Variants in MTCL3 observed in about 807,000 individuals in gnomAD.
The protein encoded by MTCL3 is MTCL family member 3, also known as microtubule cross-linking factor 3.
chr6:127,515,638 G>C, the MTCL3 span: 52 of 1,436,672 alleles, frequency 3.6e-5, no homozygotes, highest in African/African-American at 1.8e-4. This position sits in a 1 kb window ranked among gnomAD's most constrained non-coding sequence, Gnocchi z 4.3. Context: ...CCCGCCGCTC[G>C]CGCTGCCCTC....
At chr6:127,515,792 C>T in the MTCL3 span, 1 of 1,608,138 alleles carries the variant, frequency 6.2e-7, no homozygotes. The surrounding 1 kb of genome is among the most constrained non-coding windows in gnomAD (Gnocchi z 4.3). Flanking sequence ...ATCTGAGCCG[C>T]GGCCGCCGCC....
At chr6:127,515,140 A>C in the MTCL3 span, 2 of 1,130,666 alleles carry the variant, frequency 1.8e-6, no homozygotes, top group South Asian at 2.6e-5. This position sits in a 1 kb window ranked among gnomAD's most constrained non-coding sequence, Gnocchi z 4.3. Flanking sequence ...CCAAATTCTC[A>C]GCTTTAATTG....
chr6:127,517,157 T>C, the MTCL3 span, among the ~76,000 whole-genome samples: 1 of 152,236 alleles, frequency 6.6e-6, no homozygotes, highest in Non-Finnish European at 1.5e-5. Context: ...AGTTTTCATT[T>C]AATTAGTATT....
At chr6:127,477,844 A>G in the MTCL3 span, among the ~76,000 whole-genome samples, 4 of 152,236 alleles carry the variant, frequency 2.6e-5, no homozygotes. Context: ...GGGGAGATTT[A>G]TTAACATTGC....
chr6:127,473,144 T>G, the MTCL3 span: 437,292 of 1,215,092 alleles, frequency 0.36, 83,049 homozygotes, highest in Non-Finnish European at 0.39. Flanking sequence ...TTGTATCTTT[T>G]TAAAGAAATA....
At chr6:127,518,694 C>T in the MTCL3 span, 15 of 152,190 alleles carry the variant, frequency 9.9e-5, no homozygotes, top group Admixed American at 7.9e-4. Flanking sequence ...GAAAGTTCAA[C>T]TTCATATTAT....
chr6:127,516,946 A>G, the MTCL3 span, among the ~76,000 whole-genome samples: 1 of 152,164 alleles, frequency 6.6e-6, no homozygotes, highest in Non-Finnish European at 1.5e-5. Context: ...TTACATTCTC[A>G]TGGTAGCAGG....
chr6:127,474,532 G>T, the MTCL3 span, among the ~76,000 whole-genome samples: 2 of 152,020 alleles, frequency 1.3e-5, no homozygotes, highest in East Asian at 3.9e-4. Flanking sequence ...TGGCCTCTGG[G>T]ATTACAGGCA....
At chr6:127,473,054 T>C in the MTCL3 span, 1 of 1,075,806 alleles carries the variant, frequency 9.3e-7, no homozygotes. Flanking sequence ...AAACAATTCA[T>C]ACAGAAAAAT....
the MTCL3 span, chr6:127,516,596 C>T: frequency 1.9e-6 from 3 of 1,596,538 alleles, no homozygotes; most frequent in Admixed American, 1.7e-5. Context: ...GCAGCGCCCC[C>T]GATTGGTGGC....
At chr6:127,507,963 C>A in the MTCL3 span, among the ~76,000 whole-genome samples, 1 of 150,582 alleles carries the variant, frequency 6.6e-6, no homozygotes, top group Middle Eastern at 3.4e-3. Context: ...TAAATTTAGT[C>A]TCTTATTCCT....
chr6:127,489,252 TGTG>T, the MTCL3 span, among the ~76,000 whole-genome samples: 1 of 152,214 alleles, frequency 6.6e-6, no homozygotes, highest in Non-Finnish European at 1.5e-5. Context: ...CTAACTTAAA[TGTG>T]GTGTGTGTTC....
At chr6:127,482,943 A>G in the MTCL3 span, 1 of 1,608,730 alleles carries the variant, frequency 6.2e-7, no homozygotes, top group African/African-American at 1.3e-5. The surrounding 1 kb of genome is among the most constrained non-coding windows in gnomAD (Gnocchi z 4.1). Context: ...CCTTTTTTTC[A>G]GATTTTGGCA....
At chr6:127,485,888 G>C in the MTCL3 span, among the ~76,000 whole-genome samples, 2 of 152,162 alleles carry the variant, frequency 1.3e-5, no homozygotes, top group Admixed American at 1.3e-4. Flanking sequence ...AATCATTCAA[G>C]AGAACTGACT....
chr6:127,485,136 G>A, the MTCL3 span, among the ~76,000 whole-genome samples: 2 of 152,170 alleles, frequency 1.3e-5, no homozygotes, highest in African/African-American at 2.4e-5. Flanking sequence ...ATATCTAACT[G>A]TTAGCTATTA....
At chr6:127,516,434 C>T in the MTCL3 span, 1 of 1,600,254 alleles carries the variant, frequency 6.2e-7, no homozygotes, top group Non-Finnish European at 8.5e-7. Context: ...CCGGCCCCCA[C>T]TGGGGACCGG....
At chr6:127,473,754 C>T in the MTCL3 span, among the ~76,000 whole-genome samples, 1 of 152,228 alleles carries the variant, frequency 6.6e-6, no homozygotes, top group Non-Finnish European at 1.5e-5. Flanking sequence ...CGTAAACTGG[C>T]TTTTAAATGT....
At chr6:127,500,160 A>G in the MTCL3 span, among the ~76,000 whole-genome samples, 1 of 152,220 alleles carries the variant, frequency 6.6e-6, no homozygotes, top group Non-Finnish European at 1.5e-5. Context: ...TGGGGAACTC[A>G]GATTAATATA....
the MTCL3 span, chr6:127,475,525 G>C: frequency 6.2e-7 from 1 of 1,612,980 alleles, no homozygotes; most frequent in Non-Finnish European, 8.5e-7. This position sits in a 1 kb window ranked among gnomAD's most constrained non-coding sequence, Gnocchi z 7.3. Context: ...GCTCGTGTCG[G>C]CGATGAGCCG....
Sources: gnomAD v4.1 joint callset for allele counts (sites outside exome capture counted in the v4.1 genomes callset) on GRCh38, gnomAD v4.1.1 for gene constraint, Gnocchi (gnomAD v3.1) non-coding constraint, MANE v1.5 for transcripts, NCBI Gene and HGNC (gene_info 2026-07-23, HGNC 2026-07-21) for gene names.